Variants in ZC3H14 observed in about 807,000 individuals in gnomAD.
ZC3H14 encodes the protein zinc finger CCCH-type containing 14.
Under a neutral mutation model 92.4 loss-of-function variants are expected in ZC3H14, and 31 were observed. The observed-to-expected ratio is 0.34, with a 90% confidence interval of 0.25 to 0.45. The LOEUF (loss-of-function observed/expected upper bound fraction) is 0.45. ZC3H14 is among the 20% of genes least tolerant of loss of function. The pLI, the probability that ZC3H14 is intolerant of heterozygous loss-of-function variation, is 1.00. For synonymous variants in ZC3H14, 321 were observed against 300.9 expected (o/e 1.07, Z -0.69); for missense variants, 781 against 897.3 (o/e 0.87, Z 1.66).
intron 1 of ZC3H14, chr14:88,563,374 G>T: frequency 6.9e-7 from 1 of 1,441,556 alleles, no homozygotes; most frequent in South Asian, 1.5e-5. Flanking sequence ...TGAAGTAGCC[G>T]CCGGGAAATG....
intron 10 of ZC3H14, among the ~76,000 whole-genome samples, chr14:88,600,413 C>T (rs1227873651): frequency 6.6e-6 from 1 of 151,784 alleles, no homozygotes; most frequent in Non-Finnish European, 1.5e-5. Context: ...CACTTCCTTC[C>T]TTAGGAACCT....
At chr14:88,589,620 T>G (rs1026288898) in intron 9 of ZC3H14, 5 of 152,252 alleles carry the variant, frequency 3.3e-5, no homozygotes, top group African/African-American at 1.2e-4. Flanking sequence ...CTGTCTGTTC[T>G]TCCTGTAGTC....
At chr14:88,588,360 A>G (rs1242824423) in intron 9 of ZC3H14, among the ~76,000 whole-genome samples, 1 of 152,184 alleles carries the variant, frequency 6.6e-6, no homozygotes, top group Non-Finnish European at 1.5e-5. Flanking sequence ...ATAGAAGGTA[A>G]ATTTTCTGAG....
intron 9 of ZC3H14, among the ~76,000 whole-genome samples, chr14:88,583,263 C>A (rs972233628): frequency 6.6e-6 from 1 of 151,772 alleles, no homozygotes; most frequent in Non-Finnish European, 1.5e-5. Context: ...ACCATAGGCA[C>A]ACGCCACCAC....
chr14:88,568,882 C>T (rs898479631), intron 3 of ZC3H14, among the ~76,000 whole-genome samples: 1 of 151,950 alleles, frequency 6.6e-6, no homozygotes, highest in African/African-American at 2.4e-5. Flanking sequence ...CTTTTGTAAA[C>T]TTCTATATCT....
At position 88,578,073 on chromosome 14, in the gene ZC3H14, G is replaced by A; in HGVS notation, c.1212G>A (p.Arg404=). The change falls in exon 9 of 17, where the codon AGG becomes AGA. Residue 404 remains arginine (R), a synonymous_variant. Transcript: ENST00000251038. ...LLAEVVQGQS[R]TPRISPPIKE... is the part of the protein sequence containing the mutation. ...CAGAAGTGGTCCAGGGACAAAGTAG[G>A]ACCCCCAGAATAAGTCCCCCCATTA... 1 of 1,613,996 alleles carries A rather than the reference G, an allele frequency of 6.2e-7. No individual in the cohort carries two copies. Among genetic ancestry groups the A allele is most frequent in the Non-Finnish European group, 8.5e-7 (1 of 1,180,000 alleles).
At position 88,615,941 on chromosome 14, in the gene ZC3H14, T is replaced by C. The variant is rs796360042; in HGVS notation, c.*4190T>C. The C allele has an allele frequency of 2.1e-6, 3 of 1,460,394 alleles. No individual in the cohort carries two copies. In the South Asian group the frequency reaches 3.8e-5, roughly 18 times the overall value. The allele number at this position is 1,460,394 out of a possible 1,614,324, so 90.5% of individuals were successfully genotyped here. On this transcript the variant is annotated 3_prime_UTR_variant, in exon 17 of 17. Transcript: ENST00000251038. ...AATATTTTTCAGTTGTGCTTTCAGG[T>C]TACATGTGTAATATTTTTCCTCTTT...
chr14:88,604,736 A>C (rs1177215988), intron 12 of ZC3H14, among the ~76,000 whole-genome samples: 1 of 152,010 alleles, frequency 6.6e-6, no homozygotes, highest in Non-Finnish European at 1.5e-5. Context: ...CTGGGATTAC[A>C]GGCATGCACC....
rs1003433869 is a variant in ZC3H14, at chr14:88,621,474, T to A, written c.*9723T>A. ...ATTTTTCTATGACTACAGGCACACA[T>A]CTATCTGTAAGCACAATGGGCTAGA... On this transcript the variant is annotated 3_prime_UTR_variant, in exon 17 of 17. Coordinates refer to ENST00000251038, the MANE Select transcript of ZC3H14 (RefSeq NM_024824.5). The A allele has an allele frequency of 1.5e-6, 1 of 651,712 alleles. No individual in the cohort carries two copies. Among genetic ancestry groups the A allele is most frequent in the African/African-American group, 1.8e-5 (1 of 55,258 alleles). 40.4% of individuals were successfully genotyped at this position (651,712 alleles called of 1,614,324 possible).
At chr14:88,566,901 C>CAG (rs1026466727) in intron 2 of ZC3H14, among the ~76,000 whole-genome samples, 3 of 142,432 alleles carry the variant, frequency 2.1e-5, no homozygotes, top group African/African-American at 7.9e-5. Flanking sequence ...ACCTGGGAGA[C>CAG]AGAGCAAGAC....
In ZC3H14 at chr14:88,596,747, G is replaced by A. The variant is rs1444648108; in HGVS notation, c.1293G>A (p.Arg431=). The A allele has an allele frequency of 1.2e-6, 2 of 1,613,904 alleles. No individual in the cohort carries two copies. The highest frequency in any genetic ancestry group is 1.7e-5 in the Admixed American group (1 of 60,002). ...TTTATATTCTAGGAACTCAACAGAGGCAATTATTATCCCGACTGCAAATCG... is the reference window on the plus strand; with the variant it reads ...TTTATATTCTAGGAACTCAACAGAGACAATTATTATCCCGACTGCAAATCG... ...SVEKNQGTQQ[R]QLLSRLQIDP... Residue 431 remains arginine (R), a synonymous_variant, in exon 10 of 17, where the codon AGG becomes AGA. Coordinates refer to ENST00000251038, the MANE Select transcript of ZC3H14 (RefSeq NM_024824.5).
chr14:88,573,483 G>A (rs2080746040), intron 6 of ZC3H14, among the ~76,000 whole-genome samples: 1 of 152,066 alleles, frequency 6.6e-6, no homozygotes, highest in South Asian at 2.1e-4. Flanking sequence ...GCCCAGGCTG[G>A]AGTGTGATGG....
At position 88,618,318 on chromosome 14, in the gene ZC3H14, C is replaced by G. The variant is rs1326542972; in HGVS notation, c.*6567C>G. On this transcript the variant is annotated 3_prime_UTR_variant, in exon 17 of 17. Coordinates refer to ENST00000251038, the MANE Select transcript of ZC3H14 (RefSeq NM_024824.5). ...CACTTCATAGACATGCCGTTTATAGCAGCCACTAGAGACCTTTTTCATCAG... is the reference window on the plus strand; with the variant it reads ...CACTTCATAGACATGCCGTTTATAGGAGCCACTAGAGACCTTTTTCATCAG... 2 of 1,613,494 alleles carry G rather than the reference C, an allele frequency of 1.2e-6. No individual in the cohort carries two copies. Among genetic ancestry groups the G allele is most frequent in the South Asian group, 2.2e-5 (2 of 91,078 alleles).
At chr14:88,582,824 A>G (rs962229770) in intron 9 of ZC3H14, among the ~76,000 whole-genome samples, 4 of 152,184 alleles carry the variant, frequency 2.6e-5, no homozygotes, top group Admixed American at 6.5e-5. Context: ...GTGGTTACTC[A>G]CTGTTGTACG....
intron 13 of ZC3H14, 115 bp downstream of exon 13, chr14:88,607,478 A>G (rs1036354522): frequency 4.2e-5 from 44 of 1,035,662 alleles, no homozygotes; most frequent in Admixed American, 1.3e-4. Context: ...CCCAGCAAGT[A>G]CCATCCCCCA....
intron 1 of ZC3H14, 103 bp downstream of exon 1, chr14:88,563,272 C>T: frequency 1.3e-6 from 2 of 1,539,132 alleles, no homozygotes; most frequent in South Asian, 1.2e-5. Context: ...GCGGCCTGGC[C>T]TCCGCTGGAC....
intron 7 of ZC3H14, among the ~76,000 whole-genome samples, chr14:88,575,412 G>A (rs2081033918): frequency 1.3e-5 from 2 of 151,956 alleles, no homozygotes; most frequent in Admixed American, 6.6e-5. Flanking sequence ...AACTAAAAGG[G>A]GCCTAGGCAT....
intron 12 of ZC3H14, among the ~76,000 whole-genome samples, chr14:88,604,753 C>G (rs1243731988): frequency 6.6e-6 from 1 of 152,090 alleles, no homozygotes; most frequent in East Asian, 1.9e-4. Context: ...CACCATCACA[C>G]CTGGCTAATT....
At chr14:88,601,831 A>G in intron 10 of ZC3H14, 93 bp from the exon 11 acceptor site, 2 of 1,418,752 alleles carry the variant, frequency 1.4e-6, no homozygotes, top group Non-Finnish European at 2.0e-6. Context: ...TAATTTGAAT[A>G]TATAAAAGAT....
Sources: allele counts gnomAD v4.1 joint callset (sites outside exome capture counted in the v4.1 genomes callset), GRCh38; gene constraint gnomAD v4.1.1; transcripts MANE v1.5; gene names NCBI Gene and HGNC (gene_info 2026-07-23, HGNC 2026-07-21).